UGT2A1: variants seen among roughly 807,000 people sequenced by gnomAD.
The protein encoded by UGT2A1 is UDP glucuronosyltransferase family 2 member A1 complex locus, also known as UDP-glucuronosyltransferase 2A1.
A neutral mutation model predicts 45.4 loss-of-function variants in UGT2A1; 61 were observed. The observed-to-expected ratio is 1.34, with a 90% confidence interval of 1.09 to 1.66. The LOEUF (loss-of-function observed/expected upper bound fraction) is 1.66, where lower values mean the gene tolerates loss of function less well. Among genes scored for constraint, UGT2A1 ranks in the 40% most tolerant of loss-of-function variants. The probability of loss-of-function intolerance (pLI) is 0.00; values close to 1 mark genes in which losing one functional copy is unlikely to be tolerated. For synonymous variants in UGT2A1, 229 were observed against 196.2 expected, an observed-to-expected ratio of 1.17 and a Z score of -1.40; for missense variants, 649 against 574.3, an observed-to-expected ratio of 1.13 and a Z score of -1.33.
intron 3 of UGT2A1, among the ~76,000 whole-genome samples, chr4:69,611,453 A>T (rs1361764964): frequency 1.3e-5 from 2 of 152,030 alleles, no homozygotes; most frequent in Admixed American, 1.3e-4. Context: ...TAAGAAAAAA[A>T]AACTAATAAA....
At chr4:69,634,557 C>A (rs942015251) in intron 3 of UGT2A1, among the ~76,000 whole-genome samples, 3 of 151,830 alleles carry the variant, frequency 2.0e-5, no homozygotes, top group South Asian at 2.1e-4. Context: ...GGTTAAGAGG[C>A]TGTTTTTTTC....
In UGT2A1 at chr4:69,647,365, A is replaced by G. The variant is rs1158105909; in HGVS notation, c.280T>C (p.Trp94Arg). The G allele has an allele frequency of 1.9e-6, 3 of 1,613,298 alleles. No individual in the cohort carries two copies. The highest frequency in any genetic ancestry group is 1.7e-5 in the Admixed American group (1 of 59,914). The change falls in exon 2 of 7, where the codon TGG becomes CGG. Residue 94 changes from tryptophan to arginine, a missense_variant. Trp to Arg is a moderately radical substitution (Grantham distance 101). Transcript: ENST00000286604. Reference sequence around the variant, plus strand: ...GAAGGAGATGGTCTATTTTCCAGCCATGTCAAAACGAAGTCCTTAATTACT... The same window carrying G: ...GAAGGAGATGGTCTATTTTCCAGCCGTGTCAAAACGAAGTCCTTAATTACT... ...EGVIKDFVLT[W>R]LENRPSPSTI... is the part of the protein sequence containing the mutation.
chr4:69,599,695 A>AAGAG (rs138740078), intron 3 of UGT2A1: 39,621 of 199,992 alleles, frequency 0.2, 4,240 homozygotes, highest in South Asian at 0.23. Flanking sequence ...GAAATAAAGA[A>AAGAG]AGAGAGAGAG....
At chr4:69,596,428 A>G (rs778637157) in intron 4 of UGT2A1, 3 of 1,432,034 alleles carry the variant, frequency 2.1e-6, no homozygotes, top group Non-Finnish European at 2.8e-6. Flanking sequence ...GCATCATAAG[A>G]AAAAATAAGT....
rs988279160 is a variant in UGT2A1, at chr4:69,602,499, C to T, written c.848-3105G>A. Among the ~76,000 whole-genome samples the T allele has an allele frequency of 5.9e-5, 8 of 135,752 alleles. 1 individual carries two copies. The highest frequency in any genetic ancestry group is 2.1e-4 in the African/African-American group (7 of 33,270). The allele number at this position is 135,752 out of a possible 152,430, so 89.1% of individuals were successfully genotyped here. A position where few individuals can be genotyped will look rare whatever the true frequency, so the allele number is the denominator to read the frequency against. ...TCTATCTATCTATCTATCTATCTAT[C>T]TATCTATCTGATATCATGTTATGTA... On this transcript the variant is annotated intron_variant, in intron 3 of 6. Transcript: ENST00000286604.
Position 69,653,175 on chromosome 4 carries a change from T to C in UGT2A1, c.-55+13A>G, listed in dbSNP as rs2109987460. 1 of 152,200 alleles carries C rather than the reference T, an allele frequency of 6.6e-6. No individual in the cohort carries two copies. Among genetic ancestry groups the C allele is most frequent in the East Asian group, 1.9e-4 (1 of 5,204 alleles). The allele number at this position is 152,200 out of a possible 1,614,324, so 9.4% of individuals were successfully genotyped here. A position where few individuals can be genotyped will look rare whatever the true frequency, so the allele number is the denominator to read the frequency against. ...TTTTATATTGATTATCATGAAGTTT[T>C]CTAGTTTCTTACCTGAAGTTTCCTG... On this transcript the variant is annotated intron_variant, in intron 1 of 6. Transcript: ENST00000286604.
At chr4:69,646,858 G>A (rs1475818504) in intron 2 of UGT2A1, 72 bp downstream of exon 2, 12 of 1,056,254 alleles carry the variant, frequency 1.1e-5, no homozygotes, top group African/African-American at 3.2e-5. Context: ...TAGACATAGG[G>A]AAATAAAGAA....
chr4:69,591,282 G>C (rs1039589154), intron 6 of UGT2A1, among the ~76,000 whole-genome samples: 2 of 152,148 alleles, frequency 1.3e-5, no homozygotes, highest in African/African-American at 2.4e-5. Context: ...TTTTAGGAAG[G>C]CATAAGACAT....
chr4:69,599,769 G>C (rs1394408524), intron 3 of UGT2A1: 1 of 164,138 alleles, frequency 6.1e-6, no homozygotes, highest in Non-Finnish European at 1.3e-5. Context: ...AGTGGGGCCT[G>C]GGAAAGGAAG....
intron 2 of UGT2A1, among the ~76,000 whole-genome samples, chr4:69,643,292 AC>A (rs1359477937): frequency 6.6e-6 from 1 of 151,730 alleles, no homozygotes; most frequent in Non-Finnish European, 1.5e-5. Flanking sequence ...GAAAAATTTA[AC>A]CTAAAATATT....
intron 3 of UGT2A1, among the ~76,000 whole-genome samples, chr4:69,632,786 G>A (rs773294134): frequency 6.6e-6 from 1 of 151,814 alleles, no homozygotes; most frequent in Admixed American, 6.6e-5. Context: ...TACTCTGGAC[G>A]CAGAGGCAGG....
At chr4:69,602,572 AG>A (rs1719359772) in intron 3 of UGT2A1, among the ~76,000 whole-genome samples, 1 of 137,618 alleles carries the variant, frequency 7.3e-6, no homozygotes, top group South Asian at 2.4e-4. Flanking sequence ...GAGGAAGAGA[AG>A]TTTTAATTTT....
At chr4:69,632,999 A>G (rs1333379350) in intron 3 of UGT2A1, among the ~76,000 whole-genome samples, 2 of 152,152 alleles carry the variant, frequency 1.3e-5, no homozygotes, top group Non-Finnish European at 2.9e-5. Context: ...TGACAATTTA[A>G]TCATGATGTT....
rs190577005 is a variant in UGT2A1, at chr4:69,588,620, C to A, written c.*752G>T. On this transcript the variant is annotated 3_prime_UTR_variant, in exon 7 of 7. Transcript: ENST00000286604. ...AATTGTTATATCCTCTAAATATGATCTGTTCACCTTCAACATATAACATAG... is the reference window on the plus strand; with the variant it reads ...AATTGTTATATCCTCTAAATATGATATGTTCACCTTCAACATATAACATAG... 399 of 152,046 alleles carry A rather than the reference C, an allele frequency of 2.6e-3. 2 individuals carry two copies. Among genetic ancestry groups the A allele is most frequent in the African/African-American group, 9.0e-3 (372 of 41,470 alleles). 9.4% of individuals were successfully genotyped at this position (152,046 alleles called of 1,614,324 possible). A position where few individuals can be genotyped will look rare whatever the true frequency, so the allele number is the denominator to read the frequency against.
At chr4:69,593,267 G>A (rs1273050019) in intron 6 of UGT2A1, among the ~76,000 whole-genome samples, 2 of 151,840 alleles carry the variant, frequency 1.3e-5, no homozygotes, top group Non-Finnish European at 2.9e-5. Context: ...CTAATTCAAC[G>A]GTGAACACTG....
At chr4:69,598,639 T>C (rs1238926870) in intron 4 of UGT2A1, among the ~76,000 whole-genome samples, 2 of 152,150 alleles carry the variant, frequency 1.3e-5, no homozygotes, top group African/African-American at 4.8e-5. Context: ...TTCTAGAAAT[T>C]ACCAAAACTC....
intron 3 of UGT2A1, among the ~76,000 whole-genome samples, chr4:69,616,071 G>C (rs1485805055): frequency 2.6e-5 from 4 of 151,978 alleles, no homozygotes; most frequent in Non-Finnish European, 5.9e-5. Flanking sequence ...TAACTTGGAT[G>C]AATCTAGAGT....
At chr4:69,632,022 T>C (rs1243847247) in intron 3 of UGT2A1, among the ~76,000 whole-genome samples, 1 of 152,132 alleles carries the variant, frequency 6.6e-6, no homozygotes, top group East Asian at 1.9e-4. Context: ...TAGTTATTAG[T>C]TTTTCTTTAT....
At position 69,589,485 on chromosome 4, in the gene UGT2A1, C is replaced by T; in HGVS notation, c.1471G>A (p.Val491Ile). Residue 491 changes from valine (V) to isoleucine (I), a missense_variant, in exon 7 of 7, where the codon GTA becomes ATA. By Grantham distance (29) the Val-to-Ile change is conservative. Transcript: ENST00000286604. ...LTWFQYHSLD[V>I]IGFLLVCVTT... The stretch of plus-strand genomic sequence containing the variant: ...ACACAGACCAGCAAGAACCCAATTA[C>T]ATCCAAAGAGTGGTACTGGAACCAG... The T allele has an allele frequency of 6.2e-7, 1 of 1,614,092 alleles. No individual in the cohort carries two copies. Among genetic ancestry groups the T allele is most frequent in the Non-Finnish European group, 8.5e-7 (1 of 1,180,014 alleles).
Sources: gnomAD v4.1 joint callset for allele counts (sites outside exome capture counted in the v4.1 genomes callset) on GRCh38, gnomAD v4.1.1 for gene constraint, MANE v1.5 for transcripts, NCBI Gene and HGNC (gene_info 2026-07-23, HGNC 2026-07-21) for gene names.